The following GGA3 variants were observed in gnomAD, a reference collection of about 807,000 sequenced individuals.
The protein encoded by GGA3 is ADP-ribosylation factor-binding protein GGA3.
In GGA3, 57 loss-of-function variants were observed where a neutral mutation model predicts 77.5. That is an observed-to-expected ratio of 0.74 (90% confidence interval 0.59 to 0.92). The LOEUF is 0.92. GGA3 is among the 40% of genes least tolerant of loss of function. The pLI is 0.00. For missense variants in GGA3, 970 were observed against 914.9 expected (o/e 1.06, Z -0.78); for synonymous variants, 416 against 383.7 (o/e 1.08, Z -0.98).
chr17:75,243,063 C>T lies in GGA3; in HGVS notation c.528G>A (p.Lys176=). ...NPVFDDEEKS[K]LLAKLLKSKN... is the part of the protein sequence containing the mutation. ...ATCCCAGGCCCAGGGTGTCCTTTAC[C>T]TTGGACTTCTCCTCATCATCAAAAA... The change falls in exon 6 of 17, where the codon AAG becomes AAA. Residue 176 remains lysine (K), a splice_region_variant and synonymous_variant. Transcript: ENST00000537686. 6.2e-7 allele frequency: 1 copy of T among 1,608,700 alleles called. No individual in the cohort carries two copies. Among genetic ancestry groups the T allele is most frequent in the Non-Finnish European group, 8.5e-7 (1 of 1,175,260 alleles).
rs1378080019 is a variant in GGA3, at chr17:75,241,029, C to T, written c.975G>A (p.Thr325=). 4 of 1,613,928 alleles carry T rather than the reference C, an allele frequency of 2.5e-6. No homozygotes were observed. The highest frequency in any genetic ancestry group is 1.3e-5 in the African/African-American group (1 of 74,872). ...EGNSQCSNQG[T]LIDLAELDTT... is the part of the protein sequence containing the mutation. The stretch of plus-strand genomic sequence containing the variant: ...TGTCCAGCTCCGCAAGGTCGATGAG[C>T]GTGCCTTGGTTACTGCACTGACTGT... The change falls in exon 11 of 17, where the codon ACG becomes ACA. Residue 325 remains threonine (T), a synonymous_variant. Transcript: ENST00000537686.
intron 1 of GGA3, among the ~76,000 whole-genome samples, chr17:75,259,205 C>T (rs906206214): frequency 6.6e-6 from 1 of 152,142 alleles, no homozygotes; most frequent in Non-Finnish European, 1.5e-5. Context: ...CCACCCGCCT[C>T]GGCCTCCCAA....
chr17:75,254,453 T>TTA (rs1266761398), intron 1 of GGA3, among the ~76,000 whole-genome samples: 30 of 152,280 alleles, frequency 2.0e-4, no homozygotes, highest in African/African-American at 7.2e-4. Flanking sequence ...TCAGAAGCGT[T>TTA]TAGGCTCTTT....
At chr17:75,243,698 A>C in intron 4 of GGA3, 128 bp from the exon 5 acceptor site, 1 of 871,788 alleles carries the variant, frequency 1.1e-6, no homozygotes, top group South Asian at 1.6e-5. Flanking sequence ...GCAGGTGTCC[A>C]AGTGTGTGTG....
chr17:75,237,017 G>T lies in GGA3; in HGVS notation c.*1262C>A, dbSNP rs181717134. The T allele has an allele frequency of 5.2e-6, 1 of 192,874 alleles. No individual in the cohort carries two copies. Among genetic ancestry groups the T allele is most frequent in the African/African-American group, 2.3e-5 (1 of 43,136 alleles). The allele number at this position is 192,874 out of a possible 1,614,324, so 11.9% of individuals were successfully genotyped here. The stretch of plus-strand genomic sequence containing the variant: ...CACCTTCCTTTCCCCAGAGATGTCC[G>T]ATTGCTGAGCTTGTTCACCTGGGCT... On this transcript the variant is annotated 3_prime_UTR_variant, in exon 17 of 17. Transcript: ENST00000537686.
chr17:75,248,401 G>A (rs1287698535), intron 1 of GGA3, among the ~76,000 whole-genome samples: 2 of 142,808 alleles, frequency 1.4e-5, no homozygotes, highest in South Asian at 2.3e-4. Flanking sequence ...AACCCGGGGG[G>A]TGGAGTCTGC....
chr17:75,240,271 C>T, intron 12 of GGA3, 71 bp downstream of exon 12: 2 of 1,213,952 alleles, frequency 1.6e-6, no homozygotes, highest in Non-Finnish European at 2.4e-6. Context: ...CTAACTGCAG[C>T]CCAGGAGACA....
At chr17:75,239,250 G>A in intron 14 of GGA3, 125 bp downstream of exon 14, 1 of 984,968 alleles carries the variant, frequency 1.0e-6, no homozygotes, top group Non-Finnish European at 1.5e-6. Flanking sequence ...AATGCAGGCA[G>A]GGAGGCCTGC....
intron 1 of GGA3, among the ~76,000 whole-genome samples, chr17:75,259,896 T>A (rs2145614533): frequency 6.6e-6 from 1 of 152,278 alleles, no homozygotes. Context: ...ACGTGTGTAA[T>A]CCCAGCGCTT....
At chr17:75,249,361 A>G (rs543016878) in intron 1 of GGA3, among the ~76,000 whole-genome samples, 1 of 152,314 alleles carries the variant, frequency 6.6e-6, no homozygotes, top group Non-Finnish European at 1.5e-5. Flanking sequence ...TCTTTAGAAG[A>G]AAAAGAAGGT....
At chr17:75,262,007 G>GC, upstream of GGA3, 1 of 1,452,140 alleles carries the variant, frequency 6.9e-7, no homozygotes, top group Admixed American at 2.2e-5. Context: ...GAGCAGCGGC[G>GC]GGGGGGCGCT....
intron 1 of GGA3, among the ~76,000 whole-genome samples, chr17:75,258,545 C>T (rs2077233957): frequency 6.6e-6 from 1 of 152,132 alleles, no homozygotes; most frequent in African/African-American, 2.4e-5. Flanking sequence ...TGGCACATAC[C>T]AGTAGTCCCA....
chr17:75,262,139 G>A (rs1663363767), upstream of GGA3: 2 of 888,580 alleles, frequency 2.3e-6, no homozygotes, highest in South Asian at 1.7e-5. Context: ...CCAATCCGAA[G>A]GTTTAGTGAC....
intron 13 of GGA3, 41 bp from the exon 14 acceptor site, chr17:75,239,612 C>T (rs1410924187): frequency 6.6e-7 from 1 of 1,511,786 alleles, no homozygotes; most frequent in Non-Finnish European, 9.0e-7. Context: ...AGAGAGCCAG[C>T]CAGAGCTGCA....
At chr17:75,239,761 C>T in intron 13 of GGA3, 28 bp downstream of exon 13, 1 of 1,610,914 alleles carries the variant, frequency 6.2e-7, no homozygotes, top group East Asian at 2.2e-5. Flanking sequence ...CAACCCTCAG[C>T]AACCCCACAT....
intron 1 of GGA3, among the ~76,000 whole-genome samples, chr17:75,256,597 G>A (rs561964507): frequency 1.3e-5 from 2 of 152,132 alleles, no homozygotes; most frequent in Admixed American, 1.3e-4. Flanking sequence ...AGCAAAGGCA[G>A]GCTATGCTAT....
chr17:75,239,147 G>A, intron 14 of GGA3, 64 bp from the exon 15 acceptor site: 1 of 1,481,778 alleles, frequency 6.7e-7, no homozygotes, highest in Admixed American at 1.9e-5. Flanking sequence ...AGCCCCGGCG[G>A]TGAGGAGAAA....
intron 1 of GGA3, among the ~76,000 whole-genome samples, chr17:75,253,125 G>A (rs933593666): frequency 3.9e-5 from 6 of 152,084 alleles, no homozygotes; most frequent in Admixed American, 1.3e-4. Flanking sequence ...TCTTTGCTCC[G>A]TGAAAAAGAT....
intron 11 of GGA3, 111 bp downstream of exon 11, chr17:75,240,701 T>C (rs1252397663): frequency 4.0e-6 from 5 of 1,241,676 alleles, no homozygotes; most frequent in Non-Finnish European, 5.5e-6. Flanking sequence ...TCAGGGTTCT[T>C]TGCCCACCCC....
Sources: gnomAD v4.1 joint callset for allele counts (sites outside exome capture counted in the v4.1 genomes callset) on GRCh38, gnomAD v4.1.1 for gene constraint, MANE v1.5 for transcripts, NCBI Gene and HGNC (gene_info 2026-07-23, HGNC 2026-07-21) for gene names.